Variants in DNAH7 observed in about 807,000 individuals in gnomAD.
The protein encoded by DNAH7 is axonemal beta dynein heavy chain 7.
Under a neutral mutation model 444.6 loss-of-function variants are expected in DNAH7, and 397 were observed. That is an observed-to-expected ratio of 0.89 (90% CI 0.82 to 0.97). The LOEUF (loss-of-function observed/expected upper bound fraction) is 0.97, where lower values mean the gene tolerates loss of function less well. Ranked by LOEUF, DNAH7 falls within the 50% of genes least tolerant of loss-of-function variation. The pLI is 0.00. For synonymous variants in DNAH7, 1,636 were observed against 1,624.4 expected (o/e 1.01, Z -0.17); for missense variants, 4,902 against 4,800.8 (o/e 1.02, Z -0.62).
intron 17 of DNAH7, among the ~76,000 whole-genome samples, chr2:195,962,675 CA>C (rs1007192835): frequency 1.3e-5 from 2 of 152,080 alleles, no homozygotes; most frequent in Non-Finnish European, 2.9e-5. Context: ...TTTAAATGTG[CA>C]ATTAAATTAT....
chr2:195,922,894 C>T lies in DNAH7; in HGVS notation c.3826-697G>A, dbSNP rs529716529. On this transcript the variant is annotated intron_variant, in intron 23 of 64. Coordinates refer to ENST00000312428, the MANE Select transcript of DNAH7 (RefSeq NM_018897.3). ...TTTTTTTTTCTGAGACAGGGTCTCA[C>T]TCTGTCACCCAGGCTGGAGTGCAGT... Among the ~76,000 whole-genome samples, 180 of 151,950 alleles carry T rather than the reference C, an allele frequency of 1.2e-3. 2 individuals carry two copies. The highest frequency in any genetic ancestry group is 4.1e-3 in the African/African-American group (172 of 41,446).
intron 3 of DNAH7, among the ~76,000 whole-genome samples, chr2:196,049,527 C>T (rs1212514397): frequency 3.9e-5 from 6 of 152,234 alleles, no homozygotes; most frequent in South Asian, 2.1e-4. Context: ...CACTCCAGGT[C>T]GTAATTACTG....
At chr2:195,959,885 C>T (rs1281105291) in intron 18 of DNAH7, among the ~76,000 whole-genome samples, 1 of 152,024 alleles carries the variant, frequency 6.6e-6, no homozygotes, top group East Asian at 1.9e-4. Context: ...TATTATCTTC[C>T]GTTCACAGAT....
At chr2:195,792,166 C>CA (rs34983984) in intron 57 of DNAH7, among the ~76,000 whole-genome samples, 45,499 of 54,922 alleles carry the variant, frequency 0.83, 19,057 homozygotes, top group Middle Eastern at 0.94. Context: ...GACCCTGTCT[C>CA]AAAAAAAAAA....
rs748728501 is a variant in DNAH7, at chr2:195,737,933, T to C, written c.12063A>G (p.Gln4021=). The change falls in exon 65 of 65, where the codon CAA becomes CAG. Residue 4021 remains glutamine (Q), a synonymous_variant. Transcript: ENST00000312428. ...WIGRGVALLC[Q]LNS ...TGATGTCTTCTGGTTATGAATTAAG[T>C]TGACATAACAGTGCTACACCTCGTC... The C allele has an allele frequency of 6.2e-7, 1 of 1,613,890 alleles. No individual in the cohort carries two copies. The highest frequency in any genetic ancestry group is 2.2e-5 in the East Asian group (1 of 44,872).
At chr2:195,766,874 A>G (rs949954214) in intron 61 of DNAH7, among the ~76,000 whole-genome samples, 3 of 152,178 alleles carry the variant, frequency 2.0e-5, no homozygotes, top group Admixed American at 2.0e-4. Flanking sequence ...TAATGTTTTC[A>G]TGATGTCATC....
At chr2:195,767,672 CT>C (rs1421992950) in intron 61 of DNAH7, among the ~76,000 whole-genome samples, 1 of 151,888 alleles carries the variant, frequency 6.6e-6, no homozygotes, top group Non-Finnish European at 1.5e-5. Flanking sequence ...TTGGGTGTAA[CT>C]TCAGCTTTAT....
At chr2:195,972,095 C>T (rs1691883679) in intron 16 of DNAH7, 147 bp downstream of exon 16, 8 of 652,612 alleles carry the variant, frequency 1.2e-5, no homozygotes, top group Non-Finnish European at 2.1e-5. Context: ...TTACTGTCTC[C>T]CACTAATATT....
chr2:195,978,142 G>A (rs1337903905), intron 15 of DNAH7, among the ~76,000 whole-genome samples: 2 of 151,906 alleles, frequency 1.3e-5, no homozygotes, highest in African/African-American at 2.4e-5. Context: ...ATATATATAT[G>A]TTAAGTAGAA....
At position 195,787,066 on chromosome 2, in the gene DNAH7, C is replaced by T; in HGVS notation, c.10822G>A (p.Glu3608Lys). The stretch of plus-strand genomic sequence containing the variant: ...TGTACGCTGATTCTCAGATCTGTCT[C>T]ATTGAACTCATAAGGAATATTCCAC... ...LGWNIPYEFN[E>K]TDLRISVQQL... Residue 3608 changes from glutamate to lysine, a missense_variant, in exon 58 of 65, where the codon GAG becomes AAG. Transcript: ENST00000312428. 6.2e-7 allele frequency: 1 copy of T among 1,611,840 alleles called. No homozygotes were observed. Among genetic ancestry groups the T allele is most frequent in the Non-Finnish European group, 8.5e-7 (1 of 1,179,400 alleles).
intron 57 of DNAH7, 49 bp downstream of exon 57, chr2:195,794,289 C>T: frequency 1.9e-6 from 3 of 1,588,634 alleles, no homozygotes; most frequent in Admixed American, 1.7e-5. Context: ...CCAGGGGCCA[C>T]TTGAAGTGCT....
At chr2:196,006,504 T>C (rs1005033461) in intron 10 of DNAH7, among the ~76,000 whole-genome samples, 1 of 151,974 alleles carries the variant, frequency 6.6e-6, no homozygotes, top group African/African-American at 2.4e-5. Context: ...TATCTGCTCT[T>C]GCTGCTTCTA....
rs383410 is a variant in DNAH7 at position 195,886,512 on chromosome 2, G to C, written c.5407-240C>G. Among the ~76,000 whole-genome samples the C allele has an allele frequency of 2.0e-5, 3 of 151,878 alleles. No homozygotes were observed. The South Asian group carries it at 6.2e-4, about 32-fold the overall frequency. On this transcript the variant is annotated intron_variant, in intron 33 of 64. Coordinates refer to ENST00000312428, the MANE Select transcript of DNAH7 (RefSeq NM_018897.3). ...TCAAGTTTTAAAAAATTGCTGTTAC[G>C]TGTGCAGTTAATTTAAGATATGGAT...
intron 5 of DNAH7, among the ~76,000 whole-genome samples, chr2:196,043,857 C>T (rs1202442110): frequency 6.6e-6 from 1 of 152,030 alleles, no homozygotes; most frequent in Admixed American, 6.6e-5. Flanking sequence ...CAATGCAATA[C>T]CACTTTACTC....
chr2:195,923,477 T>C lies in DNAH7; in HGVS notation c.3825+118A>G, dbSNP rs1688143913. 6.7e-6 allele frequency: 6 copies of C among 896,258 alleles called. No individual in the cohort carries two copies. In the Admixed American group the frequency reaches 8.9e-5, roughly 13 times the overall value. The allele number at this position is 896,258 out of a possible 1,614,324, so 55.5% of individuals were successfully genotyped here. On this transcript the variant is annotated intron_variant, in intron 23 of 64. Transcript: ENST00000312428. ...AAGAAATGCTTACTTGGGTATAGTCTGCCATCAGCAAAAGATCTCAGATTA... is the reference window on the plus strand; with the variant it reads ...AAGAAATGCTTACTTGGGTATAGTCCGCCATCAGCAAAAGATCTCAGATTA...
intron 19 of DNAH7, among the ~76,000 whole-genome samples, chr2:195,943,160 G>C (rs1482523590): frequency 6.6e-6 from 1 of 152,118 alleles, no homozygotes; most frequent in East Asian, 1.9e-4. Flanking sequence ...CAGCCATGTG[G>C]AACTGTAAGT....
chr2:195,896,157 A>C (rs994779215), intron 29 of DNAH7, among the ~76,000 whole-genome samples: 1 of 152,230 alleles, frequency 6.6e-6, no homozygotes. Flanking sequence ...GGTTGTACTA[A>C]GTCATGTTCC....
At chr2:196,053,911 T>C (rs1697641941) in intron 2 of DNAH7, among the ~76,000 whole-genome samples, 1 of 152,134 alleles carries the variant, frequency 6.6e-6, no homozygotes, top group Admixed American at 6.5e-5. Flanking sequence ...GCTGGTGTGC[T>C]TCCTCCATCA....
At chr2:195,790,404 G>A (rs557468091) in intron 57 of DNAH7, among the ~76,000 whole-genome samples, 19 of 150,602 alleles carry the variant, frequency 1.3e-4, no homozygotes, top group South Asian at 2.1e-4. Context: ...CAGAGTCATC[G>A]TATTCCCCAA....
Sources: allele counts gnomAD v4.1 joint callset (sites outside exome capture counted in the v4.1 genomes callset), GRCh38; gene constraint gnomAD v4.1.1; transcripts MANE v1.5; gene names NCBI Gene and HGNC (gene_info 2026-07-23, HGNC 2026-07-21).